CCNH: variants seen among roughly 807,000 people sequenced by gnomAD.
CCNH encodes cyclin-H.
CCNH carries 31 observed loss-of-function variants against 41.9 expected under a neutral mutation model. That is an observed-to-expected ratio of 0.74 (90% confidence interval 0.56 to 1.00). The LOEUF (loss-of-function observed/expected upper bound fraction) is 1.00, where lower values mean the gene tolerates loss of function less well. Among genes scored for constraint, CCNH ranks in the 50% least tolerant of loss-of-function variants. The pLI is 0.00. For synonymous variants in CCNH, 138 were observed against 136.1 expected, an observed-to-expected ratio of 1.01 and a Z score of -0.10; for missense variants, 362 against 388.4, an observed-to-expected ratio of 0.93 and a Z score of 0.57.
At chr5:87,373,901 T>C (rs117325449), downstream of CCNH, among the ~76,000 whole-genome samples, 1 of 151,994 alleles carries the variant, frequency 6.6e-6, no homozygotes, top group Non-Finnish European at 1.5e-5. Flanking sequence ...TTTCATTATT[T>C]CTCCAGGAAT....
intron 7 of CCNH, among the ~76,000 whole-genome samples, chr5:87,397,968 G>A (rs1253401865): frequency 6.6e-6 from 1 of 152,180 alleles, no homozygotes; most frequent in Non-Finnish European, 1.5e-5. Flanking sequence ...AAACGCTAAT[G>A]GGCTGGATAT....
chr5:87,412,815 C>T lies in CCNH; in HGVS notation c.-21G>A. On this transcript the variant is annotated 5_prime_UTR_variant, in exon 1 of 9. An upstream open reading frame in the 5' UTR gains an earlier in-frame stop. Coordinates refer to ENST00000256897, the MANE Select transcript of CCNH (RefSeq NM_001239.4). Reference sequence around the variant, plus strand: ...TACATTATGGAATCGTGACCAGGTCCAGAGGGTCTGCAGACGAGAACCCAA... The same window carrying T: ...TACATTATGGAATCGTGACCAGGTCTAGAGGGTCTGCAGACGAGAACCCAA... 1 of 1,611,112 alleles carries T rather than the reference C, an allele frequency of 6.2e-7. No homozygotes were observed. The highest frequency in any genetic ancestry group is 8.5e-7 in the Non-Finnish European group (1 of 1,177,596).
chr5:87,341,232 A>G, intron 9 of CCNH: 2 of 1,023,990 alleles, frequency 2.0e-6, no homozygotes, highest in Non-Finnish European at 1.3e-6. Context: ...CATGAATTTT[A>G]ATAAAAATTG....
downstream of CCNH, chr5:87,391,045 C>G: frequency 1.4e-6 from 1 of 737,200 alleles, no homozygotes; most frequent in East Asian, 2.7e-5. Flanking sequence ...TGGTGAATAA[C>G]TATGCCAGCA....
intron 9 of CCNH, among the ~76,000 whole-genome samples, chr5:87,368,959 T>A (rs1760728878): frequency 6.6e-6 from 1 of 152,198 alleles, no homozygotes; most frequent in African/African-American, 2.4e-5. Context: ...ACATTTAGGA[T>A]TAGAAGTTTC....
Position 87,377,033 on chromosome 5 carries a change from C to T in CCNH, n.148G>A, listed in dbSNP as rs758662266. 8.7e-6 allele frequency: 14 copies of T among 1,613,372 alleles called. No homozygotes were observed. In the African/African-American group the frequency reaches 1.2e-4, roughly 14 times the overall value. ...GCACACTAAATGACAGAGAAATAAG[C>T]ATGGAAGGTATGGTATGGCCATGTT... On this transcript the variant is annotated non_coding_transcript_exon_variant, in exon 1 of 1. Transcript: ENST00000607486.
In CCNH at chr5:87,408,116, G is replaced by A. The variant is rs1002033239; in HGVS notation, c.385C>T (p.Leu129Phe). 2.1e-5 allele frequency: 34 copies of A among 1,613,600 alleles called. No individual in the cohort carries two copies. Among genetic ancestry groups the A allele is most frequent in the Non-Finnish European group, 2.8e-5 (33 of 1,179,694 alleles). ...TCCTGTCCAAGAGGACTCTCCCGGAGGTTTCCAACAAACTGAGGACTAGAT... is the reference window on the plus strand; with the variant it reads ...TCCTGTCCAAGAGGACTCTCCCGGAAGTTTCCAACAAACTGAGGACTAGAT... ...NVSSPQFVGNLRESPLGQEKA... is the reference protein window; with the variant it reads ...NVSSPQFVGNFRESPLGQEKA... The change falls in exon 4 of 9, where the codon CTC becomes TTC. Residue 129 changes from leucine (L) to phenylalanine (F), a missense_variant. Transcript: ENST00000256897.
Position 87,412,038 on chromosome 5 carries a change from T to C in CCNH, c.117+640A>G, listed in dbSNP as rs552403262. On this transcript the variant is annotated intron_variant, in intron 1 of 8. Coordinates refer to ENST00000256897, the MANE Select transcript of CCNH (RefSeq NM_001239.4). ...CACTTGGTTTGTACTTGGTCTCTGG[T>C]CTCCCTCCCTCATCCAACCCATTCA... is the stretch of plus-strand genomic sequence containing the variant. Among the ~76,000 whole-genome samples, 44 of 152,228 alleles carry C rather than the reference T, an allele frequency of 2.9e-4. No homozygotes were observed. In the Middle Eastern group the frequency reaches 0.017, roughly 59 times the overall value.
chr5:87,334,294 T>C (rs1227985887), intron 9 of CCNH, among the ~76,000 whole-genome samples: 1 of 152,136 alleles, frequency 6.6e-6, no homozygotes, highest in Admixed American at 6.5e-5. Flanking sequence ...ATGTCCCAGC[T>C]CAACCAGTAA....
At chr5:87,353,056 T>A (rs1186687767) in intron 9 of CCNH, 2 of 825,682 alleles carry the variant, frequency 2.4e-6, no homozygotes, top group Non-Finnish European at 4.0e-6. Context: ...TTGAAAAAAA[T>A]TTGCTAATTA....
At chr5:87,369,858 T>G (rs773957083) in intron 9 of CCNH, 6 of 1,612,254 alleles carry the variant, frequency 3.7e-6, no homozygotes, top group Non-Finnish European at 5.1e-6. Context: ...GTGAAGAACA[T>G]TACATCTTTT....
intron 9 of CCNH, chr5:87,331,076 C>T: frequency 9.6e-7 from 1 of 1,037,726 alleles, no homozygotes; most frequent in Non-Finnish European, 1.4e-6. Flanking sequence ...AGCAGGCAAT[C>T]CTGGAAGTAG....
At chr5:87,390,903 C>G (rs1762467011), downstream of CCNH, 1 of 1,586,342 alleles carries the variant, frequency 6.3e-7, no homozygotes, top group Non-Finnish European at 8.7e-7. Context: ...CCCCAGTGTT[C>G]TGCATGGATT....
Position 87,412,893 on chromosome 5 carries a change from G to C in CCNH, c.-99C>G, listed in dbSNP as rs1371663969. On this transcript the variant is annotated 5_prime_UTR_variant, in exon 1 of 9. Coordinates refer to ENST00000256897, the MANE Select transcript of CCNH (RefSeq NM_001239.4). ...CCGTACCCCCACCGAAGATCTCGCG[G>C]AAGCCTAGGGCGTCCGGCTAGCCGG... 3.3e-6 allele frequency: 5 copies of C among 1,518,280 alleles called. No individual in the cohort carries two copies. Among genetic ancestry groups the C allele is most frequent in the Non-Finnish European group, 4.4e-6 (5 of 1,132,568 alleles). 94.1% of individuals were successfully genotyped at this position (1,518,280 alleles called of 1,614,324 possible).
chr5:87,383,351 C>T (rs1194345938), intron 9 of CCNH, among the ~76,000 whole-genome samples: 2 of 152,154 alleles, frequency 1.3e-5, no homozygotes, highest in East Asian at 3.9e-4. Flanking sequence ...TTCAGAAATT[C>T]TTAAGATTCC....
intron 9 of CCNH, chr5:87,369,833 T>C: frequency 6.2e-7 from 1 of 1,611,716 alleles, no homozygotes; most frequent in Non-Finnish European, 8.5e-7. Context: ...TTTCAGATAG[T>C]AGTTCAGCAC....
intron 9 of CCNH, among the ~76,000 whole-genome samples, chr5:87,328,097 A>T (rs1757363812): frequency 6.6e-6 from 1 of 152,210 alleles, no homozygotes; most frequent in Non-Finnish European, 1.5e-5. Context: ...TTGTTTTATG[A>T]GTCAACACTT....
intron 4 of CCNH, among the ~76,000 whole-genome samples, chr5:87,407,064 G>A (rs570680079): frequency 6.6e-6 from 1 of 152,250 alleles, no homozygotes; most frequent in Admixed American, 6.5e-5. Flanking sequence ...GCTAGGCTCT[G>A]TTCAGGCTCT....
At chr5:87,363,448 A>G in intron 9 of CCNH, 1 of 1,612,400 alleles carries the variant, frequency 6.2e-7, no homozygotes, top group Non-Finnish European at 8.5e-7. Flanking sequence ...AACCAAAAGG[A>G]TTAATAGATC....
Sources: gnomAD v4.1 joint callset for allele counts (sites outside exome capture counted in the v4.1 genomes callset) on GRCh38, gnomAD v4.1.1 for gene constraint, MANE v1.5 for transcripts, NCBI Gene and HGNC (gene_info 2026-07-23, HGNC 2026-07-21) for gene names.